RBPMS2: variants seen among roughly 807,000 people sequenced by gnomAD.
RBPMS2 encodes RNA-binding protein with multiple splicing 2.
RBPMS2 carries 14 observed loss-of-function variants against 25.7 expected under a neutral mutation model. The ratio of observed to expected loss-of-function variants is 0.55; its 90% CI spans 0.36 to 0.85. The LOEUF is 0.85. Among genes scored for constraint, RBPMS2 ranks in the 40% least tolerant of loss-of-function variants. The probability of loss-of-function intolerance (pLI) is 0.01; values close to 1 mark genes in which losing one functional copy is unlikely to be tolerated. For synonymous variants in RBPMS2, 127 were observed against 115.6 expected (o/e 1.10, Z -0.63); for missense variants, 252 against 283.4 (o/e 0.89, Z 0.80).
At chr15:64,765,503 C>A (rs2083838139) in intron 1 of RBPMS2, among the ~76,000 whole-genome samples, 1 of 150,940 alleles carries the variant, frequency 6.6e-6, no homozygotes, top group Non-Finnish European at 1.5e-5. Flanking sequence ...TGCTTGAGCC[C>A]AGGAGCTCGA....
chr15:64,771,792 T>G (rs955756274), intron 1 of RBPMS2, among the ~76,000 whole-genome samples: 1 of 151,638 alleles, frequency 6.6e-6, no homozygotes, highest in Non-Finnish European at 1.5e-5. Context: ...AAATCCTGTC[T>G]CTACTAAAAA....
At chr15:64,747,313 A>C (rs1348828703) in intron 6 of RBPMS2, among the ~76,000 whole-genome samples, 3 of 152,074 alleles carry the variant, frequency 2.0e-5, no homozygotes. Flanking sequence ...ATGGACGTAC[A>C]CACAGCTCTC....
chr15:64,761,407 G>A (rs537995426), intron 1 of RBPMS2, among the ~76,000 whole-genome samples: 7 of 152,318 alleles, frequency 4.6e-5, no homozygotes, highest in African/African-American at 1.2e-4. Context: ...CGAGTTGCTC[G>A]CAGTTACCGA....
intron 1 of RBPMS2, 64 bp from the exon 2 acceptor site, chr15:64,751,702 T>G: frequency 3.7e-6 from 5 of 1,347,790 alleles, no homozygotes; most frequent in African/African-American, 1.4e-5. Context: ...ACAACAGCGC[T>G]TCCTTCAGGC....
intron 1 of RBPMS2, among the ~76,000 whole-genome samples, chr15:64,757,096 C>T (rs1205942714): frequency 6.6e-6 from 1 of 151,790 alleles, no homozygotes; most frequent in African/African-American, 2.4e-5. Flanking sequence ...CCTCAGCCTC[C>T]AGAGTATCTG....
rs563599240 is a variant in RBPMS2 at position 64,751,761 on chromosome 15, G to A, written c.88-123C>T. 40 of 718,622 alleles carry A rather than the reference G, an allele frequency of 5.6e-5. No individual in the cohort carries two copies. In the Middle Eastern group the frequency reaches 2.1e-3, roughly 37 times the overall value. 44.5% of individuals were successfully genotyped at this position (718,622 alleles called of 1,614,324 possible). ...CTTAGAGGAATTCAGCCTTTCCTGGGCCTCCTTGGATACCCAAGGCAAATT... is the reference window on the plus strand; with the variant it reads ...CTTAGAGGAATTCAGCCTTTCCTGGACCTCCTTGGATACCCAAGGCAAATT... On this transcript the variant is annotated intron_variant, in intron 1 of 7. Coordinates refer to ENST00000300069, the MANE Select transcript of RBPMS2 (RefSeq NM_194272.3).
intron 1 of RBPMS2, among the ~76,000 whole-genome samples, chr15:64,773,232 A>C (rs1242041407): frequency 6.6e-6 from 1 of 152,162 alleles, no homozygotes; most frequent in Non-Finnish European, 1.5e-5. Context: ...TACAGGGAGG[A>C]TTCCAGTTCC....
chr15:64,749,549 T>C (rs995597781), intron 3 of RBPMS2, 56 bp from the exon 4 acceptor site: 1 of 1,413,674 alleles, frequency 7.1e-7, no homozygotes, highest in Non-Finnish European at 9.8e-7. Context: ...CACCTCTCCC[T>C]CCAAAATAAC....
At chr15:64,751,540 G>A (rs770602274) in intron 2 of RBPMS2, 21 bp downstream of exon 2, 3 of 1,609,742 alleles carry the variant, frequency 1.9e-6, no homozygotes, top group African/African-American at 1.3e-5. Context: ...CTACCCAGGG[G>A]GCGGCTGGGT....
Position 64,773,764 on chromosome 15 carries a change from G to T in RBPMS2, c.87+1469C>A, listed in dbSNP as rs539610446. Among the ~76,000 whole-genome samples the T allele has an allele frequency of 4.7e-4, 71 of 152,154 alleles. 1 individual carries two copies. The highest frequency in any genetic ancestry group is 1.7e-3 in the African/African-American group (69 of 41,512). On this transcript the variant is annotated intron_variant, in intron 1 of 7. Transcript: ENST00000300069. Reference sequence around the variant, plus strand: ...TGCTCTCCCCCAGTTTCAGCCCACAGCAGGGGGCCAAGCAGAGACTCCAAG... The same window carrying T: ...TGCTCTCCCCCAGTTTCAGCCCACATCAGGGGGCCAAGCAGAGACTCCAAG...
At chr15:64,750,566 G>A (rs2083668085) in intron 2 of RBPMS2, among the ~76,000 whole-genome samples, 185 bp from the exon 3 acceptor site, 1 of 152,206 alleles carries the variant, frequency 6.6e-6, no homozygotes, top group Admixed American at 6.5e-5. Flanking sequence ...GAATCACGCG[G>A]TCTAGCACAT....
At position 64,775,224 on chromosome 15, in the gene RBPMS2, C is replaced by T; in HGVS notation, c.87+9G>A. On this transcript the variant is annotated intron_variant, in intron 1 of 7. Transcript: ENST00000300069. ...CTTCACCCGGCAAGTCCCGGGGCCA[C>T]AGACCCACCTCCTCCTCCAGGGCGC... 3 of 1,267,406 alleles carry T rather than the reference C, an allele frequency of 2.4e-6. No individual in the cohort carries two copies. The highest frequency in any genetic ancestry group is 2.5e-5 in the South Asian group (1 of 40,750). The allele number at this position is 1,267,406 out of a possible 1,614,324, so 78.5% of individuals were successfully genotyped here. A position where few individuals can be genotyped will look rare whatever the true frequency, so the allele number is the denominator to read the frequency against.
chr15:64,762,368 G>A, intron 1 of RBPMS2: 1 of 381,920 alleles, frequency 2.6e-6, no homozygotes, highest in Non-Finnish European at 5.2e-6. Flanking sequence ...ATGGGTGCTG[G>A]AGCAGGCCCA....
intron 1 of RBPMS2, among the ~76,000 whole-genome samples, chr15:64,769,100 C>CAAAAAAA (rs1167404963): frequency 1.1e-4 from 3 of 27,686 alleles, no homozygotes; most frequent in Non-Finnish European, 1.5e-4. Context: ...GACTTCGTCT[C>CAAAAAAA]AAAAAAAAAA....
chr15:64,765,759 C>T (rs2083840997), intron 1 of RBPMS2, among the ~76,000 whole-genome samples: 1 of 152,168 alleles, frequency 6.6e-6, no homozygotes, highest in African/African-American at 2.4e-5. Flanking sequence ...CCCTGGCCAA[C>T]ATGGCGAAAC....
chr15:64,755,939 T>C (rs1265027454), intron 1 of RBPMS2, among the ~76,000 whole-genome samples: 1 of 150,876 alleles, frequency 6.6e-6, no homozygotes, highest in Non-Finnish European at 1.5e-5. Flanking sequence ...AGCCTTCAGG[T>C]CTTTCCGGAG....
At position 64,743,696 on chromosome 15, in the gene RBPMS2, G is replaced by A. The variant is rs28701484; in HGVS notation, c.568-2454C>T. Among the ~76,000 whole-genome samples the A allele has an allele frequency of 7.9e-4, 120 of 152,296 alleles. 1 individual carries two copies. Among genetic ancestry groups the A allele is most frequent in the African/African-American group, 2.6e-3 (109 of 41,548 alleles). On this transcript the variant is annotated intron_variant, in intron 6 of 7. Transcript: ENST00000300069. ...ACAGGCTATAGTGACCAGGTTCCGAGAGGGCTGCTTCAAAACAAAGAGCGG... is the reference window on the plus strand; with the variant it reads ...ACAGGCTATAGTGACCAGGTTCCGAAAGGGCTGCTTCAAAACAAAGAGCGG...
intron 1 of RBPMS2, among the ~76,000 whole-genome samples, chr15:64,764,790 C>T (rs2083827509): frequency 6.6e-6 from 1 of 151,224 alleles, no homozygotes; most frequent in Admixed American, 6.6e-5. Context: ...TGGTGGTGGG[C>T]GTCTGTAGTC....
chr15:64,741,299 C>T, intron 6 of RBPMS2, 57 bp from the exon 7 acceptor site: 1 of 1,402,530 alleles, frequency 7.1e-7, no homozygotes, highest in Non-Finnish European at 9.9e-7. Context: ...CAACAGGAAG[C>T]CAGGTAACCA....
Sources: allele counts gnomAD v4.1 joint callset (sites outside exome capture counted in the v4.1 genomes callset), GRCh38; gene constraint gnomAD v4.1.1; transcripts MANE v1.5; gene names NCBI Gene and HGNC (gene_info 2026-07-23, HGNC 2026-07-21).